Variants in RBFOX3 observed in about 807,000 individuals in gnomAD.
The protein encoded by RBFOX3 is RNA binding protein fox-1 homolog 3.
In RBFOX3, 17 loss-of-function variants were observed where a neutral mutation model predicts 48.7. The observed-to-expected ratio is 0.35, with a 90% CI of 0.24 to 0.52. The LOEUF is 0.52. Among genes scored for constraint, RBFOX3 ranks in the 20% least tolerant of loss-of-function variants. RBFOX3 has a pLI of 0.94. For synonymous variants in RBFOX3, 212 were observed against 209.5 expected (o/e 1.01, Z -0.10); for missense variants, 382 against 497.5 (o/e 0.77, Z 2.21).
chr17:79,358,374 G>A (rs555935965), intron 2 of RBFOX3, among the ~76,000 whole-genome samples: 6 of 152,282 alleles, frequency 3.9e-5, no homozygotes, highest in African/African-American at 1.4e-4. Flanking sequence ...CCCACCATCG[G>A]CACACTGCCC....
chr17:79,499,362 C>A (rs1244382951), intron 1 of RBFOX3, among the ~76,000 whole-genome samples: 2 of 150,270 alleles, frequency 1.3e-5, no homozygotes, highest in Non-Finnish European at 3.0e-5. Context: ...ATATATTCAT[C>A]CATCCATCCA....
rs968842990 is a variant in RBFOX3, at chr17:79,526,566, G to A, written c.-319-43968C>T. ...CATGAGATAGGAAGTATCCTGATCG[G>A]TAGCAAGGGGTCAGAGCAGAGGACG... On this transcript the variant is annotated intron_variant, in intron 1 of 14. Coordinates refer to ENST00000693108, the MANE Select transcript of RBFOX3 (RefSeq NM_001350451.2). Among the ~76,000 whole-genome samples the A allele has an allele frequency of 2.8e-4, 43 of 152,332 alleles. No homozygotes were observed. In the East Asian group the frequency reaches 8.1e-3, roughly 29 times the overall value.
chr17:79,659,004 G>A, the RBFOX3 span, among the ~76,000 whole-genome samples: 3 of 152,148 alleles, frequency 2.0e-5, no homozygotes, highest in Non-Finnish European at 4.4e-5. Flanking sequence ...AGTCGAGTGT[G>A]GTCCGGGCAG....
intron 2 of RBFOX3, among the ~76,000 whole-genome samples, chr17:79,360,279 C>T (rs1382430198): frequency 6.6e-6 from 1 of 152,112 alleles, no homozygotes; most frequent in Non-Finnish European, 1.5e-5. Context: ...GAGGGTGCAG[C>T]AGTGAGCTTG....
chr17:79,562,446 G>C (rs1048749429), intron 1 of RBFOX3, among the ~76,000 whole-genome samples: 5 of 152,216 alleles, frequency 3.3e-5, no homozygotes, highest in African/African-American at 4.8e-5. Flanking sequence ...GATTGCATCT[G>C]TCTGGATATA....
intron 1 of RBFOX3, among the ~76,000 whole-genome samples, chr17:79,610,136 C>T (rs1256843817): frequency 6.6e-6 from 1 of 152,058 alleles, no homozygotes; most frequent in African/African-American, 2.4e-5. Flanking sequence ...GCTGCTCGGC[C>T]CCCGCGCACA....
chr17:79,247,554 C>T lies in RBFOX3; in HGVS notation c.-73-11749G>A, dbSNP rs187216870. ...CTTGAACTTTTGACCTCAAGTGATC[C>T]GCCCACCTTGGCCTCCCAAAATGCT... is the stretch of plus-strand genomic sequence containing the variant. On this transcript the variant is annotated intron_variant, in intron 3 of 14. Coordinates refer to ENST00000693108, the MANE Select transcript of RBFOX3 (RefSeq NM_001350451.2). 3.5e-4 allele frequency among the ~76,000 whole-genome samples: 53 copies of T among 152,192 alleles called. 1 individual carries two copies. The East Asian group carries it at 7.3e-3, about 21-fold the overall frequency.
intron 2 of RBFOX3, among the ~76,000 whole-genome samples, chr17:79,370,951 C>T (rs1038395879): frequency 1.3e-5 from 2 of 152,254 alleles, no homozygotes; most frequent in African/African-American, 4.8e-5. Flanking sequence ...ACCTGGAGCT[C>T]CCAGCAGGTG....
In RBFOX3 at chr17:79,101,654, G is replaced by C; in HGVS notation, c.508-10C>G. Reference sequence around the variant, plus strand: ...CCGTGGCATTATTGACCTGTTCAAAGAGGGAAGGAGAGAGAGGAAGAGGGA... The same window carrying C: ...CCGTGGCATTATTGACCTGTTCAAACAGGGAAGGAGAGAGAGGAAGAGGGA... On this transcript the variant is annotated splice_polypyrimidine_tract_variant and intron_variant, in intron 8 of 14. Coordinates refer to ENST00000693108, the MANE Select transcript of RBFOX3 (RefSeq NM_001350451.2). 6.4e-7 allele frequency: 1 copy of C among 1,550,716 alleles called. No homozygotes were observed. Among genetic ancestry groups the C allele is most frequent in the Non-Finnish European group, 8.7e-7 (1 of 1,146,554 alleles).
intron 1 of RBFOX3, among the ~76,000 whole-genome samples, chr17:79,509,085 G>C (rs1308729542): frequency 6.6e-6 from 1 of 152,120 alleles, no homozygotes; most frequent in East Asian, 1.9e-4. Flanking sequence ...CAGCGTTCCA[G>C]CTGGTTCTTT....
chr17:79,503,344 G>A (rs2082618811), intron 1 of RBFOX3, among the ~76,000 whole-genome samples: 1 of 152,206 alleles, frequency 6.6e-6, no homozygotes, highest in African/African-American at 2.4e-5. Context: ...AGCTGGCACA[G>A]CCACCCAAAA....
chr17:79,336,113 G>A (rs901349420), intron 2 of RBFOX3, among the ~76,000 whole-genome samples: 2 of 152,144 alleles, frequency 1.3e-5, no homozygotes, highest in Non-Finnish European at 1.5e-5. Flanking sequence ...CTGGCCGGGA[G>A]CAGTGGCTCT....
chr17:79,415,098 C>A (rs1349897232), intron 2 of RBFOX3, among the ~76,000 whole-genome samples: 1 of 152,194 alleles, frequency 6.6e-6, no homozygotes, highest in African/African-American at 2.4e-5. Context: ...TCACGGGGTT[C>A]TGAGTCTGGG....
At chr17:79,152,722 G>C (rs1054225717) in intron 4 of RBFOX3, among the ~76,000 whole-genome samples, 3 of 152,224 alleles carry the variant, frequency 2.0e-5, no homozygotes, top group Non-Finnish European at 2.9e-5. Context: ...CACAGCTGTG[G>C]GGGGCACCGA....
intron 4 of RBFOX3, among the ~76,000 whole-genome samples, chr17:79,229,528 C>T (rs1251746610): frequency 1.5e-5 from 2 of 131,184 alleles, no homozygotes; most frequent in Non-Finnish European, 3.1e-5. Flanking sequence ...CACTACACTC[C>T]AACCTGGGTG....
In RBFOX3 at chr17:79,103,312, A is replaced by AG; in HGVS notation, c.415-59dup. 2 of 1,091,068 alleles carry AG rather than the reference A, an allele frequency of 1.8e-6. No individual in the cohort carries two copies. The highest frequency in any genetic ancestry group is 2.7e-6 in the Non-Finnish European group (2 of 736,646). 67.6% of individuals were successfully genotyped at this position (1,091,068 alleles called of 1,614,324 possible). A position where few individuals can be genotyped will look rare whatever the true frequency, so the allele number is the denominator to read the frequency against. On this transcript the variant is annotated intron_variant, in intron 7 of 14. Coordinates refer to ENST00000693108, the MANE Select transcript of RBFOX3 (RefSeq NM_001350451.2). The surrounding 1 kb of genome is among the most constrained non-coding windows in gnomAD (Gnocchi z 6.1). ...GAGAGGAGGACACAGGGCGAGAAAG[A>AG]GGAGGAAGACGAGGAAGAAGAGGAG...
chr17:79,253,710 G>A (rs2064341000), intron 3 of RBFOX3, among the ~76,000 whole-genome samples: 1 of 152,170 alleles, frequency 6.6e-6, no homozygotes, highest in Admixed American at 6.5e-5. Flanking sequence ...CGGTTAGGGT[G>A]GCAGGGGTGT....
Position 79,115,701 on chromosome 17 carries a change from G to GCC in RBFOX3, c.14_15insGG (p.Tyr5Ter). 3 of 415,912 alleles carry GCC rather than the reference G, an allele frequency of 7.2e-6. No individual in the cohort carries two copies. Among genetic ancestry groups the GCC allele is most frequent in the Admixed American group, 3.3e-5 (1 of 30,040 alleles). The allele number at this position is 415,912 out of a possible 1,614,324, so 25.8% of individuals were successfully genotyped here. A position where few individuals can be genotyped will look rare whatever the true frequency, so the allele number is the denominator to read the frequency against. Residue 5 changes from tyrosine to a stop codon, truncating the protein, a stop_gained and frameshift_variant, in exon 5 of 15, where the codon TAC becomes TAGGC. Coordinates refer to ENST00000693108, the MANE Select transcript of RBFOX3 (RefSeq NM_001350451.2). LOFTEE classifies it high-confidence loss of function. ...GCGGAGGGGGGTACTGGGCGGGGGGGTAGGGCTGGGCCATCGCTTCAGGCG... is the reference window on the plus strand; with the variant it reads ...GCGGAGGGGGGTACTGGGCGGGGGGGCCTAGGGCTGGGCCATCGCTTCAGGCG... The part of the protein sequence containing the change: MAQP[Y>*]PPAQYPPPPQ...
At chr17:79,378,993 C>T (rs1237079980) in intron 2 of RBFOX3, among the ~76,000 whole-genome samples, 3 of 152,144 alleles carry the variant, frequency 2.0e-5, no homozygotes, top group East Asian at 1.9e-4. Flanking sequence ...GCCTGGGTTC[C>T]GTGTCCCAGC....
Sources: allele counts gnomAD v4.1 joint callset (sites outside exome capture counted in the v4.1 genomes callset), GRCh38; gene constraint gnomAD v4.1.1; non-coding constraint Gnocchi (gnomAD v3.1); transcripts MANE v1.5; gene names NCBI Gene and HGNC (gene_info 2026-07-23, HGNC 2026-07-21).